The following ARHGEF3 variants were observed in gnomAD, a reference collection of about 807,000 sequenced individuals.
ARHGEF3 encodes Rho guanine nucleotide exchange factor 3.
In ARHGEF3, 28 loss-of-function variants were observed where a neutral mutation model predicts 63.2. The ratio of observed to expected loss-of-function variants is 0.44; its 90% CI spans 0.33 to 0.61. The LOEUF (loss-of-function observed/expected upper bound fraction) is 0.61, where lower values mean the gene tolerates loss of function less well. ARHGEF3 is among the 20% of genes least tolerant of loss of function. ARHGEF3 has a pLI of 0.03. For synonymous variants in ARHGEF3, 266 were observed against 254.2 expected, an observed-to-expected ratio of 1.05 and a Z score of -0.44; for missense variants, 533 against 659.3, an observed-to-expected ratio of 0.81 and a Z score of 2.10.
chr3:57,013,343 G>C lies in ARHGEF3; in HGVS notation c.62+21745C>G, dbSNP rs976504309. 2.0e-5 allele frequency among the ~76,000 whole-genome samples: 3 copies of C among 152,240 alleles called. No homozygotes were observed. The East Asian group carries it at 5.8e-4, about 29-fold the overall frequency. Reference sequence around the variant, plus strand: ...CAGCTGGGCTCCTGAGTCCAGTAGGGGCTTGGAGAACTTTTTATGTCTAGC... The same window carrying C: ...CAGCTGGGCTCCTGAGTCCAGTAGGCGCTTGGAGAACTTTTTATGTCTAGC... On this transcript the variant is annotated intron_variant, in intron 2 of 12. Transcript: ENST00000338458.
Position 56,996,868 on chromosome 3 carries a change from CATT to C in ARHGEF3, c.63-37982_63-37980del, listed in dbSNP as rs369182475. Among the ~76,000 whole-genome samples, 177 of 139,306 alleles carry C rather than the reference CATT, an allele frequency of 1.3e-3. 1 individual carries two copies. Among genetic ancestry groups the C allele is most frequent in the African/African-American group, 4.4e-3 (169 of 38,278 alleles). The allele number at this position is 139,306 out of a possible 152,430, so 91.4% of individuals were successfully genotyped here. ...CACAAATTCGGAAACTTTCTTAAAA[CATT>C]ATTATTATTATTATTATTATTTTTT... On this transcript the variant is annotated intron_variant, in intron 2 of 12. Coordinates refer to the ARHGEF3 transcript ENST00000338458.
intron 4 of ARHGEF3, among the ~76,000 whole-genome samples, chr3:56,868,551 C>T (rs546835217): frequency 7.9e-5 from 12 of 152,010 alleles, no homozygotes; most frequent in East Asian, 1.9e-4. Flanking sequence ...TTAGTACAGA[C>T]GGGGTTTCAC....
At chr3:56,795,655 C>CTTTTTTTTTTTTTTTTTT (rs11306302) in intron 1 of ARHGEF3, among the ~76,000 whole-genome samples, 2 of 130,544 alleles carry the variant, frequency 1.5e-5, no homozygotes, top group African/African-American at 2.9e-5. Flanking sequence ...GTCTCTCTCT[C>CTTTTTTTTTTTTTTTTTT]TTTTTTTTTT....
At chr3:56,951,660 T>A (rs2106691099) in intron 3 of ARHGEF3, among the ~76,000 whole-genome samples, 1 of 152,118 alleles carries the variant, frequency 6.6e-6, no homozygotes, top group Non-Finnish European at 1.5e-5. Flanking sequence ...TTGACTCGGA[T>A]TACTGGTCCT....
intron 4 of ARHGEF3, among the ~76,000 whole-genome samples, chr3:56,829,680 T>C (rs2038860340): frequency 1.3e-5 from 2 of 152,200 alleles, no homozygotes; most frequent in South Asian, 4.1e-4. Flanking sequence ...TTTCTTTGCC[T>C]TTAAATCTTT....
At chr3:56,834,255 C>T (rs1025408948) in intron 4 of ARHGEF3, among the ~76,000 whole-genome samples, 2 of 151,924 alleles carry the variant, frequency 1.3e-5, no homozygotes, top group African/African-American at 2.4e-5. Flanking sequence ...GTTAATGTTA[C>T]GTGAATTTTA....
intron 1 of ARHGEF3, among the ~76,000 whole-genome samples, chr3:57,041,046 T>C (rs1163948864): frequency 6.6e-6 from 1 of 152,238 alleles, no homozygotes; most frequent in Non-Finnish European, 1.5e-5. Context: ...GACTTCATTA[T>C]GACTGTCATA....
intron 3 of ARHGEF3, among the ~76,000 whole-genome samples, chr3:56,890,193 TG>T (rs2041073365): frequency 6.6e-6 from 1 of 152,212 alleles, no homozygotes; most frequent in African/African-American, 2.4e-5. Flanking sequence ...CAGTTCAAAA[TG>T]CAGCTCCACC....
chr3:57,015,030 A>G (rs1397010273), intron 2 of ARHGEF3, among the ~76,000 whole-genome samples: 1 of 151,640 alleles, frequency 6.6e-6, no homozygotes. Flanking sequence ...TTTTTTAGCA[A>G]AAGTCTGCCA....
intron 1 of ARHGEF3, among the ~76,000 whole-genome samples, chr3:57,062,288 A>G (rs775490439): frequency 1.3e-5 from 2 of 152,160 alleles, no homozygotes; most frequent in Non-Finnish European, 2.9e-5. Flanking sequence ...CTTCTCTGCC[A>G]CTTCTGAGTG....
chr3:57,074,032 T>A (rs1233108310), intron 1 of ARHGEF3: 2 of 1,614,214 alleles, frequency 1.2e-6, no homozygotes, highest in Admixed American at 1.7e-5. Context: ...GCTCTCCTGA[T>A]ACAGCAAGGC....
At chr3:56,747,544 T>C (rs1392210593) in intron 6 of ARHGEF3, among the ~76,000 whole-genome samples, 1 of 152,146 alleles carries the variant, frequency 6.6e-6, no homozygotes, top group East Asian at 1.9e-4. Context: ...GAAAATGCAG[T>C]TAAAGAGACT....
At chr3:56,792,452 G>C (rs1431913628) in intron 1 of ARHGEF3, among the ~76,000 whole-genome samples, 1 of 152,206 alleles carries the variant, frequency 6.6e-6, no homozygotes, top group Non-Finnish European at 1.5e-5. Context: ...GGACAGAGAG[G>C]TTGTTGGCTT....
At chr3:57,074,042 C>A (rs1309453671) in intron 1 of ARHGEF3, 1 of 1,614,212 alleles carries the variant, frequency 6.2e-7, no homozygotes, top group East Asian at 2.2e-5. Flanking sequence ...TACAGCAAGG[C>A]AGTTGTGAGC....
At chr3:56,984,614 C>T (rs887600102) in intron 2 of ARHGEF3, among the ~76,000 whole-genome samples, 1 of 152,158 alleles carries the variant, frequency 6.6e-6, no homozygotes, top group African/African-American at 2.4e-5. Flanking sequence ...TTGATCGTGG[C>T]ATAACTTTTT....
At chr3:56,892,574 C>A (rs2041159402) in intron 3 of ARHGEF3, among the ~76,000 whole-genome samples, 1 of 150,618 alleles carries the variant, frequency 6.6e-6, no homozygotes, top group African/African-American at 2.4e-5. Flanking sequence ...AAGCCATTAT[C>A]AACAAAAAAT....
chr3:56,979,849 G>C (rs1701259122), intron 2 of ARHGEF3, among the ~76,000 whole-genome samples: 2 of 152,180 alleles, frequency 1.3e-5, no homozygotes, highest in South Asian at 4.1e-4. Flanking sequence ...TCAATCCTTA[G>C]AAGGTGCTTA....
chr3:56,987,539 C>G (rs1358018448), intron 2 of ARHGEF3, among the ~76,000 whole-genome samples: 1 of 152,162 alleles, frequency 6.6e-6, no homozygotes, highest in Non-Finnish European at 1.5e-5. Flanking sequence ...GAAAGGGACT[C>G]TGGGGACGGG....
At chr3:56,916,257 C>A (rs927257656) in intron 3 of ARHGEF3, 2 of 1,522,694 alleles carry the variant, frequency 1.3e-6, no homozygotes, top group South Asian at 1.2e-5. Context: ...CCACCCGGCT[C>A]GGGTGGGAGT....
Sources: allele counts gnomAD v4.1 joint callset (sites outside exome capture counted in the v4.1 genomes callset), GRCh38; gene constraint gnomAD v4.1.1; transcripts MANE v1.5; gene names NCBI Gene and HGNC (gene_info 2026-07-23, HGNC 2026-07-21).